CTNNA2: variants seen among roughly 807,000 people sequenced by gnomAD.
CTNNA2 encodes the protein catenin alpha-2.
CTNNA2 carries 42 observed loss-of-function variants against 101.0 expected under a neutral mutation model. The ratio of observed to expected loss-of-function variants is 0.42; its 90% confidence interval spans 0.32 to 0.54. The LOEUF (loss-of-function observed/expected upper bound fraction) is 0.54. Ranked by LOEUF, CTNNA2 falls within the 20% of genes least tolerant of loss-of-function variation. The pLI is 0.14. For synonymous variants in CTNNA2, 450 were observed against 456.4 expected (o/e 0.99, Z 0.18); for missense variants, 871 against 1,223.1 (o/e 0.71, Z 4.29).
intron 2 of CTNNA2, among the ~76,000 whole-genome samples, chr2:79,669,993 G>A (rs1421743372): frequency 6.6e-6 from 1 of 152,204 alleles, no homozygotes; most frequent in African/African-American, 2.4e-5. Flanking sequence ...CAAGATCAGA[G>A]CAGACGCTGG....
In CTNNA2 at chr2:80,606,410, A is replaced by ACC. The variant is rs761596902; in HGVS notation, c.2296-1773_2296-1772insCC. 9.2e-3 allele frequency among the ~76,000 whole-genome samples: 555 copies of ACC among 60,372 alleles called. 3 individuals are homozygous for ACC. The highest frequency in any genetic ancestry group is 0.05 in the Middle Eastern group (6 of 120). The allele number at this position is 60,372 out of a possible 152,430, so 39.6% of individuals were successfully genotyped here. On this transcript the variant is annotated intron_variant, in intron 16 of 18. Coordinates refer to ENST00000402739, the MANE Select transcript of CTNNA2 (RefSeq NM_001282597.3). ...CACACACACACACACACACACACACACACCCCCCAGGATACATTTATTTTG... is the reference window on the plus strand; with the variant it reads ...CACACACACACACACACACACACACACCCACCCCCCAGGATACATTTATTTTG...
intron 1 of CTNNA2, among the ~76,000 whole-genome samples, chr2:79,614,427 A>G (rs1242494892): frequency 2.0e-5 from 3 of 152,116 alleles, no homozygotes; most frequent in Admixed American, 1.3e-4. Context: ...TTCCTAGGAA[A>G]TAGTTATAAC....
chr2:79,786,740 T>G (rs1286864578), intron 3 of CTNNA2, among the ~76,000 whole-genome samples: 1 of 152,118 alleles, frequency 6.6e-6, no homozygotes, highest in Non-Finnish European at 1.5e-5. Flanking sequence ...CAACAATTTC[T>G]TATAAGTACT....
chr2:80,016,208 T>G (rs1352467868), intron 7 of CTNNA2, among the ~76,000 whole-genome samples: 1 of 152,260 alleles, frequency 6.6e-6, no homozygotes, highest in Non-Finnish European at 1.5e-5. Context: ...TTATTCATTA[T>G]TACCTTTTAA....
At chr2:80,188,444 A>G (rs1481141574) in intron 7 of CTNNA2, among the ~76,000 whole-genome samples, 1 of 152,180 alleles carries the variant, frequency 6.6e-6, no homozygotes, top group Non-Finnish European at 1.5e-5. Flanking sequence ...GTAACAAATT[A>G]CAACAAACTT....
intron 2 of CTNNA2, among the ~76,000 whole-genome samples, chr2:79,675,647 G>A (rs969544928): frequency 6.6e-6 from 1 of 152,096 alleles, no homozygotes; most frequent in Non-Finnish European, 1.5e-5. Context: ...TGTAAAACGA[G>A]GTGCTTTTGG....
At chr2:80,385,360 C>A (rs1329786077) in intron 7 of CTNNA2, among the ~76,000 whole-genome samples, 2 of 151,984 alleles carry the variant, frequency 1.3e-5, no homozygotes, top group East Asian at 3.9e-4. Flanking sequence ...ACTCCCTTGC[C>A]CCCTTGGCCA....
intron 9 of CTNNA2, among the ~76,000 whole-genome samples, chr2:80,518,181 T>C (rs993721511): frequency 2.0e-5 from 3 of 152,230 alleles, no homozygotes; most frequent in African/African-American, 7.2e-5. Flanking sequence ...AGCATATTTT[T>C]CATATTCAGT....
At chr2:80,062,654 G>A (rs980392235) in intron 7 of CTNNA2, among the ~76,000 whole-genome samples, 5 of 151,496 alleles carry the variant, frequency 3.3e-5, no homozygotes. Flanking sequence ...TTTGTAGACT[G>A]GCCCTTGCTT....
At chr2:79,471,537 G>T (rs1197367461) in intron 4 of CTNNA2, among the ~76,000 whole-genome samples, 2 of 152,096 alleles carry the variant, frequency 1.3e-5, no homozygotes, top group African/African-American at 2.4e-5. Context: ...TCACATCGGA[G>T]GTTAAGATTT....
chr2:80,174,553 C>T (rs1184555384), intron 7 of CTNNA2, among the ~76,000 whole-genome samples: 1 of 152,150 alleles, frequency 6.6e-6, no homozygotes, highest in Non-Finnish European at 1.5e-5. Context: ...TGAACACATT[C>T]CTCTGACCGG....
intron 7 of CTNNA2, among the ~76,000 whole-genome samples, chr2:79,913,821 T>A (rs1400557055): frequency 1.3e-5 from 2 of 152,178 alleles, no homozygotes; most frequent in African/African-American, 4.8e-5. Context: ...TCATATGATA[T>A]CTTCATTTGG....
intron 2 of CTNNA2, among the ~76,000 whole-genome samples, chr2:79,286,488 T>C (rs1471458282): frequency 6.6e-6 from 1 of 151,354 alleles, no homozygotes; most frequent in Admixed American, 6.6e-5. Context: ...GTCTGTAAAG[T>C]ATTTTATTTC....
At chr2:80,006,419 A>G (rs1437299352) in intron 7 of CTNNA2, among the ~76,000 whole-genome samples, 1 of 152,006 alleles carries the variant, frequency 6.6e-6, no homozygotes, top group Non-Finnish European at 1.5e-5. Flanking sequence ...TAACTTGTCT[A>G]GAACCCTACA....
chr2:79,598,155 T>G (rs1216776337), intron 1 of CTNNA2, among the ~76,000 whole-genome samples: 3 of 152,256 alleles, frequency 2.0e-5, no homozygotes, highest in African/African-American at 7.2e-5. Context: ...GCACATTTCT[T>G]TTCAGTGCTG....
chr2:79,279,452 G>C (rs1295155987), intron 2 of CTNNA2, among the ~76,000 whole-genome samples: 1 of 152,038 alleles, frequency 6.6e-6, no homozygotes, highest in Non-Finnish European at 1.5e-5. Flanking sequence ...AAAATCCCCA[G>C]GTAGTTTTCG....
chr2:80,215,175 G>A (rs1708175303), intron 7 of CTNNA2, among the ~76,000 whole-genome samples: 1 of 151,830 alleles, frequency 6.6e-6, no homozygotes, highest in African/African-American at 2.4e-5. Context: ...TTTTTTCAAG[G>A]TTTTTAGCTT....
intron 3 of CTNNA2, among the ~76,000 whole-genome samples, chr2:79,770,530 A>G (rs975843020): frequency 3.9e-5 from 6 of 152,206 alleles, no homozygotes; most frequent in African/African-American, 1.4e-4. Flanking sequence ...GGCATACCAC[A>G]AAAATACTGT....
intron 4 of CTNNA2, among the ~76,000 whole-genome samples, chr2:79,475,914 G>A (rs930505128): frequency 2.0e-5 from 3 of 152,012 alleles, no homozygotes; most frequent in Non-Finnish European, 2.9e-5. Flanking sequence ...GACCAACCCC[G>A]AATTGAATGC....
Sources: allele counts gnomAD v4.1 joint callset (sites outside exome capture counted in the v4.1 genomes callset), GRCh38; gene constraint gnomAD v4.1.1; transcripts MANE v1.5; gene names NCBI Gene and HGNC (gene_info 2026-07-23, HGNC 2026-07-21).